CD96: variants seen among roughly 807,000 people sequenced by gnomAD.
CD96 encodes the protein CD96 molecule.
A neutral mutation model predicts 71.3 loss-of-function variants in CD96; 70 were observed. The ratio of observed to expected loss-of-function variants is 0.98; its 90% CI spans 0.81 to 1.20. CD96 has a LOEUF of 1.20. CD96 is among the 50% of genes most tolerant of loss of function. The probability of loss-of-function intolerance (pLI) is 0.00; values close to 1 mark genes in which losing one functional copy is unlikely to be tolerated. For synonymous variants in CD96, 248 were observed against 233.0 expected, an observed-to-expected ratio of 1.06 and a Z score of -0.59; for missense variants, 742 against 677.5, an observed-to-expected ratio of 1.10 and a Z score of -1.06.
chr3:111,619,147 G>C (rs1370300590), intron 8 of CD96, among the ~76,000 whole-genome samples: 1 of 152,164 alleles, frequency 6.6e-6, no homozygotes, highest in Non-Finnish European at 1.5e-5. Context: ...ATGTCACATG[G>C]AGATGACCAG....
chr3:111,660,461 A>G (rs1261635221), intron 14 of CD96, among the ~76,000 whole-genome samples: 2 of 152,258 alleles, frequency 1.3e-5, no homozygotes, highest in Non-Finnish European at 2.9e-5. Flanking sequence ...TGCATATTCA[A>G]TGCTATTTCT....
chr3:111,543,288 C>G (rs1336939718), intron 1 of CD96, among the ~76,000 whole-genome samples: 1 of 152,112 alleles, frequency 6.6e-6, no homozygotes, highest in Non-Finnish European at 1.5e-5. Context: ...CATGTTAATT[C>G]TAAAACTGAG....
intron 8 of CD96, among the ~76,000 whole-genome samples, chr3:111,620,087 T>C (rs535691035): frequency 6.6e-6 from 1 of 152,368 alleles, no homozygotes; most frequent in East Asian, 1.9e-4. Context: ...GGCTTTTGCA[T>C]GGCTATGCCC....
intron 2 of CD96, among the ~76,000 whole-genome samples, chr3:111,548,831 G>A (rs1454287539): frequency 6.6e-6 from 1 of 152,046 alleles, no homozygotes; most frequent in African/African-American, 2.4e-5. Context: ...AGTTTGTATT[G>A]AGCCTGAATG....
intron 8 of CD96, among the ~76,000 whole-genome samples, chr3:111,622,295 A>G (rs948950217): frequency 2.0e-5 from 3 of 152,224 alleles, no homozygotes; most frequent in Non-Finnish European, 4.4e-5. Context: ...AGTGGCCTAT[A>G]GTTAGAATAT....
intron 4 of CD96, 35 bp from the exon 5 acceptor site, chr3:111,585,288 T>A: frequency 7.0e-7 from 1 of 1,436,052 alleles, no homozygotes; most frequent in Non-Finnish European, 9.8e-7. Flanking sequence ...AGGATGACAT[T>A]TGGTGCCACT....
chr3:111,633,150 T>C (rs932035072), intron 10 of CD96, among the ~76,000 whole-genome samples: 1 of 152,066 alleles, frequency 6.6e-6, no homozygotes, highest in African/African-American at 2.4e-5. Context: ...GGATTATTAA[T>C]TGGCCTAATT....
intron 6 of CD96, among the ~76,000 whole-genome samples, chr3:111,599,239 A>T (rs1002907855): frequency 1.3e-5 from 2 of 152,146 alleles, no homozygotes; most frequent in Non-Finnish European, 2.9e-5. Flanking sequence ...AAGTACTGGG[A>T]TTACAGGCTT....
downstream of CD96, among the ~76,000 whole-genome samples, chr3:111,656,953 G>A (rs1382149077): frequency 6.6e-6 from 1 of 151,380 alleles, no homozygotes; most frequent in Non-Finnish European, 1.5e-5. Flanking sequence ...GTATAATTTT[G>A]TCTGAAAAAA....
chr3:111,577,959 C>T (rs1237224343), intron 3 of CD96, among the ~76,000 whole-genome samples: 1 of 152,168 alleles, frequency 6.6e-6, no homozygotes, highest in Non-Finnish European at 1.5e-5. Flanking sequence ...TAGAGTTAGG[C>T]CAGTAGATGT....
At chr3:111,617,541 C>A (rs1389858663) in intron 8 of CD96, among the ~76,000 whole-genome samples, 2 of 152,150 alleles carry the variant, frequency 1.3e-5, no homozygotes, top group Admixed American at 6.5e-5. Context: ...CTCATCCAGA[C>A]AACTTGCCTG....
At chr3:111,546,501 G>A (rs1420617412) in intron 2 of CD96, among the ~76,000 whole-genome samples, 3 of 152,170 alleles carry the variant, frequency 2.0e-5, no homozygotes, top group African/African-American at 4.8e-5. Flanking sequence ...GGCCTGTGGT[G>A]TAAATTCTCT....
At chr3:111,556,856 T>C (rs1187017046) in intron 2 of CD96, among the ~76,000 whole-genome samples, 1 of 150,468 alleles carries the variant, frequency 6.6e-6, no homozygotes, top group African/African-American at 2.5e-5. Context: ...CCACATCCTC[T>C]CCAGCACCTG....
chr3:111,570,002 C>T (rs569912753), intron 3 of CD96, among the ~76,000 whole-genome samples: 2 of 151,808 alleles, frequency 1.3e-5, no homozygotes, highest in African/African-American at 2.4e-5. Flanking sequence ...ATGAGGCTCA[C>T]CCTGTCTGAC....
At chr3:111,593,704 T>A (rs1466999670) in intron 5 of CD96, 1 of 1,613,932 alleles carries the variant, frequency 6.2e-7, no homozygotes, top group East Asian at 2.2e-5. Flanking sequence ...GCCATTCCAC[T>A]GCCCTTTCCC....
chr3:111,639,329 G>A (rs566875088), intron 12 of CD96, among the ~76,000 whole-genome samples: 25 of 151,712 alleles, frequency 1.6e-4, no homozygotes, highest in African/African-American at 6.0e-4. Flanking sequence ...GTTTGTGTAG[G>A]AGTTCGGTGA....
chr3:111,578,976 A>G (rs758290665), intron 3 of CD96, 51 bp from the exon 4 acceptor site: 1 of 897,458 alleles, frequency 1.1e-6, no homozygotes, highest in South Asian at 1.3e-5. Flanking sequence ...TGCCTAGTTC[A>G]GAGCTGGCAC....
intron 7 of CD96, among the ~76,000 whole-genome samples, chr3:111,605,964 T>A (rs552397691): frequency 6.6e-6 from 1 of 152,180 alleles, no homozygotes; most frequent in Non-Finnish European, 1.5e-5. Context: ...TTAACCCACA[T>A]GTTCCTAAAG....
At chr3:111,564,497 G>T (rs371824925) in intron 2 of CD96, among the ~76,000 whole-genome samples, 1 of 151,786 alleles carries the variant, frequency 6.6e-6, no homozygotes, top group African/African-American at 2.4e-5. Flanking sequence ...ACCCTTTCTC[G>T]AATTTCGTTA....
Sources: allele counts gnomAD v4.1 joint callset (sites outside exome capture counted in the v4.1 genomes callset), GRCh38; gene constraint gnomAD v4.1.1; transcripts MANE v1.5; gene names NCBI Gene and HGNC (gene_info 2026-07-23, HGNC 2026-07-21).